Variants in SEMA6D observed in about 807,000 individuals in gnomAD.
The protein encoded by SEMA6D is semaphorin-6D.
A neutral mutation model predicts 106.6 loss-of-function variants in SEMA6D; 35 were observed. The ratio of observed to expected loss-of-function variants is 0.33; its 90% confidence interval spans 0.25 to 0.44. The LOEUF is 0.44. Ranked by LOEUF, SEMA6D falls within the 20% of genes least tolerant of loss-of-function variation. SEMA6D has a pLI of 1.00. For missense variants in SEMA6D, 1,185 were observed against 1,345.9 expected, an observed-to-expected ratio of 0.88 and a Z score of 1.87; for synonymous variants, 499 against 487.7, an observed-to-expected ratio of 1.02 and a Z score of -0.31.
intron 1 of SEMA6D, among the ~76,000 whole-genome samples, chr15:47,205,840 C>A (rs1324661504): frequency 1.3e-5 from 2 of 152,100 alleles, no homozygotes; most frequent in Non-Finnish European, 2.9e-5. Flanking sequence ...AAATATACTG[C>A]AACAATATAA....
chr15:47,421,290 T>C (rs2041145356), intron 2 of SEMA6D, among the ~76,000 whole-genome samples: 1 of 152,098 alleles, frequency 6.6e-6, no homozygotes, highest in African/African-American at 2.4e-5. Flanking sequence ...GCATTGGATA[T>C]GACAAGAAAG....
intron 1 of SEMA6D, among the ~76,000 whole-genome samples, chr15:47,292,713 C>A (rs1049772768): frequency 6.6e-6 from 1 of 152,138 alleles, no homozygotes; most frequent in Non-Finnish European, 1.5e-5. Context: ...TAGCAAATCA[C>A]AGCGTATATT....
intron 2 of SEMA6D, among the ~76,000 whole-genome samples, chr15:47,418,229 G>A (rs886458591): frequency 2.6e-5 from 4 of 152,066 alleles, no homozygotes; most frequent in African/African-American, 9.7e-5. Context: ...AACAGTAAGT[G>A]CAAAAGCTCT....
intron 1 of SEMA6D, among the ~76,000 whole-genome samples, chr15:47,242,944 C>T (rs932195176): frequency 4.7e-4 from 72 of 152,094 alleles, no homozygotes; most frequent in African/African-American, 1.6e-3. Flanking sequence ...TGGTCTATTA[C>T]TAAAGCTGTT....
In SEMA6D at chr15:47,765,000, T is replaced by C. The variant is rs1188855528; in HGVS notation, c.1371T>C (p.Pro457=). ...MVLKVLAKTS[P]FSLNDSVLLE... is the part of the protein sequence containing the mutation. Reference sequence around the variant, plus strand: ...TTAAAGTTCTGGCAAAGACCAGTCCTTTCTCTTTGAACGACAGCGTATTAC... The same window carrying C: ...TTAAAGTTCTGGCAAAGACCAGTCCCTTCTCTTTGAACGACAGCGTATTAC... Residue 457 remains proline, a synonymous_variant, in exon 13 of 19, where the codon CCT becomes CCC. Coordinates refer to ENST00000536845, the MANE Select transcript of SEMA6D (RefSeq NM_001358351.3). 4 of 1,613,916 alleles carry C rather than the reference T, an allele frequency of 2.5e-6. No homozygotes were observed. The highest frequency in any genetic ancestry group is 3.3e-4 in the Middle Eastern group (2 of 6,054).
intron 4 of SEMA6D, among the ~76,000 whole-genome samples, chr15:47,666,747 A>G (rs2078033850): frequency 1.3e-5 from 2 of 152,176 alleles, no homozygotes; most frequent in Admixed American, 6.5e-5. Context: ...CTTTACATCT[A>G]GGGAATGTAT....
intron 1 of SEMA6D, among the ~76,000 whole-genome samples, chr15:47,292,983 ATTTTGT>A (rs915990216): frequency 3.9e-5 from 6 of 152,006 alleles, no homozygotes; most frequent in Non-Finnish European, 8.8e-5. Flanking sequence ...TTGATGAGAT[ATTTTGT>A]TTTTATCAGG....
chr15:47,519,379 C>A (rs2044496598), intron 3 of SEMA6D, among the ~76,000 whole-genome samples: 1 of 152,122 alleles, frequency 6.6e-6, no homozygotes, highest in African/African-American at 2.4e-5. Flanking sequence ...TAATCTCATG[C>A]AACCACTGAC....
intron 4 of SEMA6D, among the ~76,000 whole-genome samples, chr15:47,687,315 G>A (rs932386481): frequency 1.3e-5 from 2 of 152,122 alleles, no homozygotes; most frequent in African/African-American, 4.8e-5. Flanking sequence ...AATGCAACAG[G>A]GAAGGCAGAT....
Position 47,744,522 on chromosome 15 carries a change from C to T in SEMA6D, c.-54-15223C>T, listed in dbSNP as rs144033811. Among the ~76,000 whole-genome samples, 11 of 152,080 alleles carry T rather than the reference C, an allele frequency of 7.2e-5. No individual in the cohort carries two copies. The East Asian group carries it at 1.9e-3, about 27-fold the overall frequency. ...CACCCCTGGGTGAGGTGAGAAAGCT[C>T]GAAGAGACACTTAAAGGCCGTATTT... On this transcript the variant is annotated intron_variant, in intron 1 of 18. Coordinates refer to ENST00000536845, the MANE Select transcript of SEMA6D (RefSeq NM_001358351.3).
chr15:47,717,832 CTGTGTGTGTGTGTGTGTGTGTGTG>C (rs71118194), intron 1 of SEMA6D, 140 bp downstream of exon 1: 2 of 99,224 alleles, frequency 2.0e-5, no homozygotes, highest in South Asian at 3.8e-4. Context: ...TCCCGAATCG[CTGTGTGTGTGTGTGTGTGTGTGTG>C]TGTGTGTGTG....
intron 1 of SEMA6D, among the ~76,000 whole-genome samples, chr15:47,238,835 A>T (rs757398761): frequency 6.6e-6 from 1 of 152,156 alleles, no homozygotes; most frequent in Non-Finnish European, 1.5e-5. Flanking sequence ...ATTTCAAGCA[A>T]CAGGGAAGGT....
intron 1 of SEMA6D, among the ~76,000 whole-genome samples, chr15:47,234,441 G>A (rs1209857324): frequency 6.6e-6 from 1 of 151,970 alleles, no homozygotes. Flanking sequence ...TATACTTGCT[G>A]CTTGAGCAGG....
intron 3 of SEMA6D, among the ~76,000 whole-genome samples, chr15:47,479,945 C>T (rs570427541): frequency 1.7e-4 from 26 of 149,828 alleles, no homozygotes; most frequent in Admixed American, 6.0e-4. Context: ...CATAGTTCAC[C>T]GCAGCCTTGA....
chr15:47,500,897 T>C (rs1383674034), intron 3 of SEMA6D, among the ~76,000 whole-genome samples: 1 of 152,178 alleles, frequency 6.6e-6, no homozygotes, highest in Non-Finnish European at 1.5e-5. Context: ...TGTTAAACTT[T>C]CCTTTTGACT....
intron 4 of SEMA6D, among the ~76,000 whole-genome samples, chr15:47,702,277 A>C (rs553609637): frequency 6.6e-6 from 1 of 152,202 alleles, no homozygotes; most frequent in Non-Finnish European, 1.5e-5. Flanking sequence ...AAGATGCTCT[A>C]CATCATATGT....
At chr15:47,371,957 C>T (rs143541271) in intron 1 of SEMA6D, among the ~76,000 whole-genome samples, 3 of 152,326 alleles carry the variant, frequency 2.0e-5, no homozygotes, top group East Asian at 1.9e-4. Context: ...GGTCCAGTAA[C>T]GTGTTTAAGG....
chr15:47,245,763 G>C (rs2033161064), intron 1 of SEMA6D, among the ~76,000 whole-genome samples: 1 of 152,116 alleles, frequency 6.6e-6, no homozygotes, highest in Admixed American at 6.5e-5. Flanking sequence ...TCAGAGATCT[G>C]TTTGTATCCT....
At chr15:47,193,387 C>T (rs1894100640) in intron 1 of SEMA6D, among the ~76,000 whole-genome samples, 2 of 152,150 alleles carry the variant, frequency 1.3e-5, no homozygotes, top group South Asian at 4.1e-4. Context: ...TTCAGATTTT[C>T]AGATTAGGGA....
Sources: allele counts gnomAD v4.1 joint callset (sites outside exome capture counted in the v4.1 genomes callset), GRCh38; gene constraint gnomAD v4.1.1; transcripts MANE v1.5; gene names NCBI Gene and HGNC (gene_info 2026-07-23, HGNC 2026-07-21).